The following P4HA3 variants were observed in gnomAD, a reference collection of about 807,000 sequenced individuals.
P4HA3 encodes the protein prolyl 4-hydroxylase subunit alpha-3.
P4HA3 carries 60 observed loss-of-function variants against 66.7 expected under a neutral mutation model. The ratio of observed to expected loss-of-function variants is 0.90; its 90% CI spans 0.73 to 1.12. The LOEUF is 1.12. P4HA3 is among the 50% of genes most tolerant of loss of function. The probability of loss-of-function intolerance (pLI) is 0.00; values close to 1 mark genes in which losing one functional copy is unlikely to be tolerated. For synonymous variants in P4HA3, 263 were observed against 274.6 expected (o/e 0.96, Z 0.42); for missense variants, 683 against 685.8 (o/e 1.00, Z 0.05).
intron 2 of P4HA3, among the ~76,000 whole-genome samples, chr11:74,303,436 G>A (rs1412940729): frequency 2.0e-5 from 3 of 151,244 alleles, no homozygotes; most frequent in South Asian, 2.1e-4. Context: ...ACAGGCATGC[G>A]CCACCATGCC....
At position 74,267,279 on chromosome 11, in the gene P4HA3, C is replaced by A. The variant is rs201729955; in HGVS notation, c.1604G>T (p.Arg535Leu). 1.9e-6 allele frequency: 3 copies of A among 1,614,092 alleles called. No individual in the cohort carries two copies. ...KWIHEYGQEF[R>L]RPCSSSPED is the part of the protein sequence containing the mutation. ...TTCAGGGCTGGAGCTGCAGGGTCTGCGGAATTCCTGTCCATACTCATGTAT... is the reference window on the plus strand; with the variant it reads ...TTCAGGGCTGGAGCTGCAGGGTCTGAGGAATTCCTGTCCATACTCATGTAT... The change falls in exon 13 of 13, where the codon CGC (arginine) becomes CTC (leucine). Residue 535 changes from arginine to leucine, a missense_variant. Arg to Leu is a moderately radical substitution (Grantham distance 102). Transcript: ENST00000331597.
Position 74,251,809 on chromosome 11 carries a change from T to TG in P4HA3, c.*1319-3809dup, listed in dbSNP as rs748037495. On this transcript the variant is annotated intron_variant and NMD_transcript_variant, in intron 15 of 15. Transcript: ENST00000524388. ...ACTGTAAATATCTCTGCCTTACCCC[T>TG]GCCTGGTTTGGTCACCATGCCTTTC... 11 of 1,507,268 alleles carry TG rather than the reference T, an allele frequency of 7.3e-6. No homozygotes were observed. In the East Asian group the frequency reaches 2.5e-4, roughly 34 times the overall value. The allele number at this position is 1,507,268 out of a possible 1,614,324, so 93.4% of individuals were successfully genotyped here.
intron 15 of P4HA3, chr11:74,254,563 T>G (rs1859785820): frequency 6.5e-6 from 1 of 153,246 alleles, no homozygotes; most frequent in Non-Finnish European, 1.5e-5. Context: ...GTGACTGTCT[T>G]AGGTGATGTG....
intron 10 of P4HA3, among the ~76,000 whole-genome samples, chr11:74,271,121 C>T (rs1048784849): frequency 2.6e-5 from 4 of 152,130 alleles, no homozygotes; most frequent in Admixed American, 2.6e-4. Context: ...ACTTGTGTTA[C>T]AGAGCAAGAG....
intron 7 of P4HA3, among the ~76,000 whole-genome samples, chr11:74,280,115 C>T (rs1283808475): frequency 1.3e-5 from 2 of 152,102 alleles, no homozygotes; most frequent in Non-Finnish European, 2.9e-5. Context: ...CTAAATGCCT[C>T]TCTTTTGTTC....
chr11:74,279,464 A>G lies in P4HA3; in HGVS notation c.1111-12T>C, dbSNP rs1860517135. 1.2e-6 allele frequency: 2 copies of G among 1,613,460 alleles called. No individual in the cohort carries two copies. The highest frequency in any genetic ancestry group is 1.7e-6 in the Non-Finnish European group (2 of 1,179,520). ...ACTGACCTCTGTAGCTGGTGGGAAG[A>G]ATGTAAGACAAAGTCCAAGTGGTTA... On this transcript the variant is annotated splice_polypyrimidine_tract_variant and intron_variant, in intron 7 of 12. Transcript: ENST00000331597.
chr11:74,295,481 A>G (rs1768582979), intron 4 of P4HA3, among the ~76,000 whole-genome samples: 1 of 152,240 alleles, frequency 6.6e-6, no homozygotes, highest in Non-Finnish European at 1.5e-5. Flanking sequence ...TAGCATATTA[A>G]CAATTCACTT....
At chr11:74,269,855 A>G (rs902420610) in intron 10 of P4HA3, 135 bp from the exon 11 acceptor site, 2 of 947,608 alleles carry the variant, frequency 2.1e-6, no homozygotes, top group African/African-American at 3.3e-5. Flanking sequence ...AAAGACAATC[A>G]TCCAACTCAG....
chr11:74,282,950 G>A (rs544901919), intron 7 of P4HA3, among the ~76,000 whole-genome samples: 1 of 152,240 alleles, frequency 6.6e-6, no homozygotes, highest in African/African-American at 2.4e-5. Flanking sequence ...CAGCGAAGGT[G>A]CAGGGCTTCA....
intron 5 of P4HA3, 138 bp downstream of exon 5, chr11:74,288,941 G>A: frequency 2.0e-6 from 1 of 498,658 alleles, no homozygotes; most frequent in Non-Finnish European, 3.0e-6. Flanking sequence ...AGAGGGAGAT[G>A]CCATCTCAAA....
intron 15 of P4HA3, among the ~76,000 whole-genome samples, chr11:74,253,307 C>G (rs534027136): frequency 6.6e-6 from 1 of 152,270 alleles, no homozygotes; most frequent in African/African-American, 2.4e-5. Flanking sequence ...CATTTGGAGC[C>G]TTGGGCAAAT....
At chr11:74,302,955 T>C (rs1213579429) in intron 2 of P4HA3, among the ~76,000 whole-genome samples, 1 of 152,108 alleles carries the variant, frequency 6.6e-6, no homozygotes, top group African/African-American at 2.4e-5. Flanking sequence ...TTTCTTTTCT[T>C]TCTTTCTTTT....
chr11:74,259,969 T>C (rs947071049), exon 15 of P4HA3: 1 of 152,234 alleles, frequency 6.6e-6, no homozygotes, highest in Non-Finnish European at 1.5e-5. Flanking sequence ...TGTTTATCTT[T>C]CTGAGAAATC....
intron 2 of P4HA3, among the ~76,000 whole-genome samples, chr11:74,303,483 A>G (rs1861480647): frequency 6.6e-6 from 1 of 150,722 alleles, no homozygotes; most frequent in African/African-American, 2.4e-5. Context: ...GTTTCGCTAT[A>G]TTGCCCAGGC....
intron 7 of P4HA3, among the ~76,000 whole-genome samples, chr11:74,281,355 C>T (rs1240685902): frequency 6.6e-6 from 1 of 151,978 alleles, no homozygotes; most frequent in Non-Finnish European, 1.5e-5. Context: ...ACCATTTGAC[C>T]CAGCCATCCC....
intron 10 of P4HA3, among the ~76,000 whole-genome samples, chr11:74,272,185 CAT>C (rs1189068677): frequency 1.3e-5 from 2 of 150,530 alleles, no homozygotes; most frequent in East Asian, 3.9e-4. Flanking sequence ...CATGCACACA[CAT>C]GTGAAAGTGC....
chr11:74,281,730 G>A (rs144321752), intron 7 of P4HA3, among the ~76,000 whole-genome samples: 1,660 of 152,136 alleles, frequency 0.011, 30 homozygotes, highest in African/African-American at 0.038. Flanking sequence ...GTTGTGGGGT[G>A]GAGGGAGGTG....
At position 74,288,999 on chromosome 11, in the gene P4HA3, C is replaced by G. The variant is rs1333048131; in HGVS notation, c.769+80G>C. On this transcript the variant is annotated intron_variant, in intron 5 of 12. Coordinates refer to ENST00000331597, the MANE Select transcript of P4HA3 (RefSeq NM_182904.5). Reference sequence around the variant, plus strand: ...AAGATAGATAGCTGTATTTCTCTTGCAGGAATTAAAGGCCAGGAGCAGAAG... The same window carrying G: ...AAGATAGATAGCTGTATTTCTCTTGGAGGAATTAAAGGCCAGGAGCAGAAG... 3.1e-6 allele frequency: 3 copies of G among 971,236 alleles called. No homozygotes were observed. The African/African-American group carries it at 5.2e-5, about 17-fold the overall frequency. 60.2% of individuals were successfully genotyped at this position (971,236 alleles called of 1,614,324 possible). A position where few individuals can be genotyped will look rare whatever the true frequency, so the allele number is the denominator to read the frequency against.
At chr11:74,296,926 CT>C (rs1201395887) in intron 4 of P4HA3, among the ~76,000 whole-genome samples, 1 of 132,648 alleles carries the variant, frequency 7.5e-6, no homozygotes, top group Admixed American at 7.6e-5. Flanking sequence ...TTTTTTTTTT[CT>C]TTTTTTCTTT....
Sources: gnomAD v4.1 joint callset for allele counts (sites outside exome capture counted in the v4.1 genomes callset) on GRCh38, gnomAD v4.1.1 for gene constraint, MANE v1.5 for transcripts, NCBI Gene and HGNC (gene_info 2026-07-23, HGNC 2026-07-21) for gene names.